The following SYNPR variants were observed in gnomAD, a reference collection of about 807,000 sequenced individuals.
SYNPR encodes synaptoporin.
A neutral mutation model predicts 32.9 loss-of-function variants in SYNPR; 23 were observed. The observed-to-expected ratio is 0.70, with a 90% confidence interval of 0.50 to 0.99. The LOEUF (loss-of-function observed/expected upper bound fraction) is 0.99, where lower values mean the gene tolerates loss of function less well. Ranked by LOEUF, SYNPR falls within the 50% of genes least tolerant of loss-of-function variation. The pLI is 0.00. For synonymous variants in SYNPR, 146 were observed against 135.9 expected (o/e 1.07, Z -0.52); for missense variants, 318 against 349.3 (o/e 0.91, Z 0.71).
intron 2 of SYNPR, among the ~76,000 whole-genome samples, chr3:63,325,347 C>A (rs2087154447): frequency 6.6e-6 from 1 of 152,138 alleles, no homozygotes; most frequent in East Asian, 1.9e-4. Context: ...TCATTAGTTT[C>A]TTTAATAAAA....
rs1011930395 is a variant in SYNPR at position 63,592,566 on chromosome 3, A to T, written c.409-16559A>T. ...AGGAACCTGTAGGAAGGAGATAATAAATATTGTCTCTATTCTATTGTAATA... is the reference window on the plus strand; with the variant it reads ...AGGAACCTGTAGGAAGGAGATAATATATATTGTCTCTATTCTATTGTAATA... On this transcript the variant is annotated intron_variant, in intron 4 of 5. Transcript: ENST00000478300. Among the ~76,000 whole-genome samples, 5 of 152,098 alleles carry T rather than the reference A, an allele frequency of 3.3e-5. No individual in the cohort carries two copies. The East Asian group carries it at 9.6e-4, about 29-fold the overall frequency.
chr3:63,360,970 A>G (rs2087651497), intron 2 of SYNPR, among the ~76,000 whole-genome samples: 1 of 152,212 alleles, frequency 6.6e-6, no homozygotes, highest in Non-Finnish European at 1.5e-5. Context: ...TGTATTTGGT[A>G]CATTGCTGAA....
intron 2 of SYNPR, among the ~76,000 whole-genome samples, chr3:63,444,969 A>C (rs1316128610): frequency 6.6e-6 from 1 of 151,632 alleles, no homozygotes; most frequent in Non-Finnish European, 1.5e-5. Flanking sequence ...AAACAAAACA[A>C]AACACAAACA....
chr3:63,551,809 C>T (rs1306509735), intron 3 of SYNPR, among the ~76,000 whole-genome samples: 6 of 152,138 alleles, frequency 3.9e-5, no homozygotes. Context: ...ACTTTAAGTT[C>T]AACATGGACA....
intron 3 of SYNPR, among the ~76,000 whole-genome samples, chr3:63,485,061 C>A (rs1255472621): frequency 1.3e-5 from 2 of 152,094 alleles, no homozygotes; most frequent in Non-Finnish European, 2.9e-5. Context: ...CAGGGGAATT[C>A]TCTATCAGGG....
intron 3 of SYNPR, among the ~76,000 whole-genome samples, chr3:63,543,276 A>T (rs1702339709): frequency 6.6e-6 from 1 of 152,142 alleles, no homozygotes; most frequent in Non-Finnish European, 1.5e-5. Flanking sequence ...GAGTTTGAGG[A>T]TCTCTGATTT....
chr3:63,354,956 G>A (rs1457557863), intron 2 of SYNPR, among the ~76,000 whole-genome samples: 2 of 152,148 alleles, frequency 1.3e-5, no homozygotes, highest in Non-Finnish European at 2.9e-5. Flanking sequence ...AGAAACAGAA[G>A]TTCAACAAAT....
At position 63,506,839 on chromosome 3, in the gene SYNPR, C is replaced by T. The variant is rs189085836; in HGVS notation, c.209+25883C>T. Among the ~76,000 whole-genome samples the T allele has an allele frequency of 1.2e-3, 181 of 152,268 alleles. 1 individual carries two copies. The highest frequency in any genetic ancestry group is 3.6e-3 in the African/African-American group (151 of 41,542). On this transcript the variant is annotated intron_variant, in intron 3 of 5. Coordinates refer to ENST00000478300, the MANE Select transcript of SYNPR (RefSeq NM_001130003.2). ...TCCATGCTGCCTCTGAAACATATGACGGCCCCTGAGCACTGGGCTATGAGA... is the reference window on the plus strand; with the variant it reads ...TCCATGCTGCCTCTGAAACATATGATGGCCCCTGAGCACTGGGCTATGAGA...
intron 1 of SYNPR, among the ~76,000 whole-genome samples, chr3:63,232,423 G>A (rs1190676520): frequency 6.6e-6 from 1 of 151,942 alleles, no homozygotes; most frequent in Non-Finnish European, 1.5e-5. Context: ...GGCTGGTCTC[G>A]AGCTCTTGAC....
At chr3:63,438,186 T>TTTA (rs1700117020) in intron 2 of SYNPR, among the ~76,000 whole-genome samples, 1 of 152,176 alleles carries the variant, frequency 6.6e-6, no homozygotes, top group Non-Finnish European at 1.5e-5. Context: ...CTTGCACATT[T>TTTA]TTACCTGCTA....
At chr3:63,300,331 T>TTCTATCATCTATCTA (rs1553865412) in intron 2 of SYNPR, among the ~76,000 whole-genome samples, 3 of 151,326 alleles carry the variant, frequency 2.0e-5, no homozygotes, top group African/African-American at 7.3e-5. Flanking sequence ...CATTCTTTGC[T>TTCTATCATCTATCTA]TCTATCTATC....
At chr3:63,610,560 T>C (rs1700184051) in intron 5 of SYNPR, 1 of 689,952 alleles carries the variant, frequency 1.4e-6, no homozygotes, top group Non-Finnish European at 2.6e-6. Context: ...TTTGGTGAGA[T>C]AGTAACCATG....
At chr3:63,457,059 C>A (rs944022330) in intron 2 of SYNPR, among the ~76,000 whole-genome samples, 1 of 152,054 alleles carries the variant, frequency 6.6e-6, no homozygotes, top group Non-Finnish European at 1.5e-5. Context: ...TAGTCATAAG[C>A]TTTGCCTGTT....
intron 2 of SYNPR, among the ~76,000 whole-genome samples, chr3:63,317,798 TTTTG>T (rs2087058912): frequency 1.3e-5 from 2 of 152,078 alleles, no homozygotes; most frequent in South Asian, 4.1e-4. Context: ...ACTTTGTGGT[TTTTG>T]TTTGTTTTTT....
At chr3:63,476,426 A>G (rs897656422) in intron 2 of SYNPR, among the ~76,000 whole-genome samples, 11 of 152,070 alleles carry the variant, frequency 7.2e-5, no homozygotes, top group Admixed American at 1.3e-4. Flanking sequence ...AGAAGGAAGG[A>G]AAGAAAGATA....
chr3:63,315,320 T>G (rs2087029142), intron 2 of SYNPR, among the ~76,000 whole-genome samples: 1 of 152,108 alleles, frequency 6.6e-6, no homozygotes, highest in Admixed American at 6.6e-5. Context: ...GTAGATTGCT[T>G]TTGGCAGTAT....
intron 2 of SYNPR, among the ~76,000 whole-genome samples, chr3:63,477,850 A>C (rs1700961936): frequency 2.0e-5 from 3 of 152,228 alleles, no homozygotes; most frequent in Admixed American, 2.0e-4. Context: ...CAGGGAAGTT[A>C]CACCTTTTCC....
At chr3:63,257,741 G>C (rs1050685296) in intron 2 of SYNPR, among the ~76,000 whole-genome samples, 1 of 152,090 alleles carries the variant, frequency 6.6e-6, no homozygotes, top group Admixed American at 6.6e-5. Flanking sequence ...ATGTAAATGG[G>C]CTAAATGCTC....
upstream of SYNPR, among the ~76,000 whole-genome samples, chr3:63,277,664 C>T (rs2106914144): frequency 6.6e-6 from 1 of 152,294 alleles, no homozygotes; most frequent in Non-Finnish European, 1.5e-5. Flanking sequence ...TAATTTGTTT[C>T]CACCTCTTCT....
Sources: allele counts gnomAD v4.1 joint callset (sites outside exome capture counted in the v4.1 genomes callset), GRCh38; gene constraint gnomAD v4.1.1; transcripts MANE v1.5; gene names NCBI Gene and HGNC (gene_info 2026-07-23, HGNC 2026-07-21).